GTF3C3: variants seen among roughly 807,000 people sequenced by gnomAD.
The protein encoded by GTF3C3 is general transcription factor IIIC subunit 3.
In GTF3C3, 75 loss-of-function variants were observed where a neutral mutation model predicts 105.2. The observed-to-expected ratio is 0.71, with a 90% confidence interval of 0.59 to 0.86. The LOEUF (loss-of-function observed/expected upper bound fraction) is 0.86. GTF3C3 is among the 40% of genes least tolerant of loss of function. The pLI, the probability that GTF3C3 is intolerant of heterozygous loss-of-function variation, is 0.00. For synonymous variants in GTF3C3, 335 were observed against 370.4 expected (o/e 0.90, Z 1.10); for missense variants, 856 against 1,076.5 (o/e 0.80, Z 2.87).
intron 1 of GTF3C3, 47 bp from the exon 2 acceptor site, chr2:196,797,955 A>G: frequency 9.7e-7 from 1 of 1,032,184 alleles, no homozygotes. Flanking sequence ...ATGCAGACTT[A>G]GCTCTCCCCA....
chr2:196,787,090 C>T (rs1165032359), intron 6 of GTF3C3, among the ~76,000 whole-genome samples: 1 of 151,988 alleles, frequency 6.6e-6, no homozygotes, highest in East Asian at 1.9e-4. Flanking sequence ...ATACCCTGTC[C>T]ACCTCCCCAA....
rs1576022271 is a variant in GTF3C3, at chr2:196,776,339, T to C, written c.1593+88A>G. ...GAATACACTAAAATAAAATTTTGGATATAAGCTATAGAGACATCCTTAATG... is the reference window on the plus strand; with the variant it reads ...GAATACACTAAAATAAAATTTTGGACATAAGCTATAGAGACATCCTTAATG... On this transcript the variant is annotated intron_variant, in intron 11 of 17. Transcript: ENST00000263956. The surrounding 1 kb of genome is among the most constrained non-coding windows in gnomAD (Gnocchi z 4.5). 2.8e-6 allele frequency: 3 copies of C among 1,078,996 alleles called. No homozygotes were observed. Among genetic ancestry groups the C allele is most frequent in the East Asian group, 2.4e-5 (1 of 41,710 alleles). The allele number at this position is 1,078,996 out of a possible 1,614,324, so 66.8% of individuals were successfully genotyped here.
intron 2 of GTF3C3, among the ~76,000 whole-genome samples, chr2:196,797,466 C>T (rs1559307912): frequency 6.6e-6 from 1 of 152,260 alleles, no homozygotes; most frequent in East Asian, 1.9e-4. Context: ...AAGTGTAATT[C>T]ATTACAATTT....
chr2:196,798,067 C>T (rs1699676938), intron 1 of GTF3C3, among the ~76,000 whole-genome samples, 159 bp from the exon 2 acceptor site: 1 of 152,130 alleles, frequency 6.6e-6, no homozygotes, highest in South Asian at 2.1e-4. Context: ...TTTTCTATTC[C>T]TACAAAACTT....
rs1699449897 is a variant in GTF3C3, at chr2:196,786,135, T to C, written c.894-547A>G. On this transcript the variant is annotated intron_variant, in intron 6 of 17. Transcript: ENST00000263956. This position sits in a 1 kb window ranked among gnomAD's most constrained non-coding sequence, Gnocchi z 4.2. ...CTGATGACCAATAGCCTCAAGCAGGTCCATGGTACTGATGAGCAGTATTAC... is the reference window on the plus strand; with the variant it reads ...CTGATGACCAATAGCCTCAAGCAGGCCCATGGTACTGATGAGCAGTATTAC... 6.6e-6 allele frequency among the ~76,000 whole-genome samples: 1 copy of C among 152,064 alleles called. No homozygotes were observed. Among genetic ancestry groups the C allele is most frequent in the Non-Finnish European group, 1.5e-5 (1 of 68,012 alleles).
At chr2:196,777,910 A>ACG (rs1424054497) in intron 10 of GTF3C3, 4 of 152,224 alleles carry the variant, frequency 2.6e-5, no homozygotes, top group African/African-American at 9.6e-5. Flanking sequence ...GGCAATACAA[A>ACG]CTAAGATATC....
intron 17 of GTF3C3, among the ~76,000 whole-genome samples, chr2:196,765,826 T>A (rs56835701): frequency 1.2e-4 from 18 of 151,466 alleles, no homozygotes; most frequent in Non-Finnish European, 2.2e-4. Flanking sequence ...CTGGTTAACA[T>A]GGTGAAACCC....
chr2:196,771,757 G>C lies in GTF3C3; in HGVS notation c.2251C>G (p.His751Asp). The stretch of plus-strand genomic sequence containing the variant: ...GTGCCAGGACACTTACCAAGCGCAT[G>C]CTTAAAACTACCAGATACAAATGCA... ...HNAFVSGSFK[H>D]ALGQYVQAFR... The change falls in exon 15 of 18, where the codon CAT becomes GAT. Residue 751 changes from histidine (H) to aspartate (D), a missense_variant. Around this residue, in one of 3 missense-constraint regions of GTF3C3, gnomAD observed 605 missense variants for 833.6 expected, o/e 0.73. Coordinates refer to ENST00000263956, the MANE Select transcript of GTF3C3 (RefSeq NM_012086.5). The C allele has an allele frequency of 6.2e-7, 1 of 1,610,058 alleles. No individual in the cohort carries two copies. Among genetic ancestry groups the C allele is most frequent in the South Asian group, 1.1e-5 (1 of 91,012 alleles).
chr2:196,776,632 A>G lies in GTF3C3; in HGVS notation c.1391-3T>C. The stretch of plus-strand genomic sequence containing the variant: ...ATAGCCTAAGGCCTTTAAACATTCT[A>G]AGATGATGTTAAAATAAAGCAAAAG... On this transcript the variant is annotated splice_polypyrimidine_tract_variant and splice_region_variant and intron_variant, in intron 10 of 17. Transcript: ENST00000263956. The surrounding 1 kb of genome is among the most constrained non-coding windows in gnomAD (Gnocchi z 4.5). 2.5e-6 allele frequency: 4 copies of G among 1,599,832 alleles called. No individual in the cohort carries two copies. Among genetic ancestry groups the G allele is most frequent in the Non-Finnish European group, 3.4e-6 (4 of 1,168,308 alleles).
At chr2:196,796,786 G>A (rs1390485315) in intron 2 of GTF3C3, among the ~76,000 whole-genome samples, 2 of 152,164 alleles carry the variant, frequency 1.3e-5, no homozygotes, top group Non-Finnish European at 2.9e-5. Flanking sequence ...TTCTGTTCCT[G>A]TGTTGGTTTG....
At chr2:196,764,855 C>G (rs540542721) in intron 17 of GTF3C3, among the ~76,000 whole-genome samples, 170 bp from the exon 18 acceptor site, 3 of 152,118 alleles carry the variant, frequency 2.0e-5, no homozygotes, top group Non-Finnish European at 4.4e-5. Flanking sequence ...AATGCTGATT[C>G]AGTTAACAGC....
chr2:196,765,615 A>C (rs1179126685), intron 17 of GTF3C3, among the ~76,000 whole-genome samples: 1 of 147,800 alleles, frequency 6.8e-6, no homozygotes, highest in Non-Finnish European at 1.5e-5. Context: ...TATGTATGAA[A>C]TACATATATA....
At chr2:196,767,868 T>C (rs139879882) in intron 16 of GTF3C3, among the ~76,000 whole-genome samples, 11 of 152,378 alleles carry the variant, frequency 7.2e-5, no homozygotes, top group African/African-American at 2.6e-4. Context: ...AATAACTTGC[T>C]GCCCTTTAAG....
Position 196,766,575 on chromosome 2 carries a change from A to G in GTF3C3, c.2528T>C (p.Leu843Pro). The change falls in exon 17 of 18, where the codon CTT becomes CCT. Residue 843 changes from leucine (L) to proline (P), a missense_variant. Coordinates refer to ENST00000263956, the MANE Select transcript of GTF3C3 (RefSeq NM_012086.5). The stretch of plus-strand genomic sequence containing the variant: ...AAAAATGCACAATACCTCTACCACA[A>G]GTGGAGGGAGCTCCAGGGCCTTCTG... Reference protein sequence around the residue: ...YYQKALELPPLVVEGIELDQL... With the variant: ...YYQKALELPPPVVEGIELDQL... The G allele has an allele frequency of 1.2e-6, 2 of 1,609,946 alleles. No homozygotes were observed. The highest frequency in any genetic ancestry group is 8.5e-7 in the Non-Finnish European group (1 of 1,177,516).
chr2:196,782,385 T>C (rs1699382151), intron 8 of GTF3C3, among the ~76,000 whole-genome samples: 1 of 152,216 alleles, frequency 6.6e-6, no homozygotes, highest in South Asian at 2.1e-4. Context: ...CACTGTTCAA[T>C]AAAATATATC....
chr2:196,797,484 T>A (rs915084902), intron 2 of GTF3C3, among the ~76,000 whole-genome samples: 16 of 152,208 alleles, frequency 1.1e-4, no homozygotes, highest in African/African-American at 3.6e-4. Flanking sequence ...TTTGAGGAAG[T>A]ATAGTCTGGA....
chr2:196,778,671 A>G, intron 10 of GTF3C3: 1 of 549,830 alleles, frequency 1.8e-6, no homozygotes, highest in Non-Finnish European at 3.2e-6. Context: ...GGGAAATGTG[A>G]GTCCTTCAAC....
intron 17 of GTF3C3, among the ~76,000 whole-genome samples, chr2:196,765,255 C>A (rs1308678984): frequency 6.6e-6 from 1 of 152,004 alleles, no homozygotes; most frequent in Non-Finnish European, 1.5e-5. Flanking sequence ...GCAATGAATT[C>A]AATGGACTAG....
At chr2:196,798,053 C>T in intron 1 of GTF3C3, 145 bp from the exon 2 acceptor site, 1 of 607,436 alleles carries the variant, frequency 1.6e-6, no homozygotes, top group Non-Finnish European at 3.0e-6. Context: ...GGGCATTTGC[C>T]TAATTTTCTA....
Sources: gnomAD v4.1 joint callset for allele counts (sites outside exome capture counted in the v4.1 genomes callset) on GRCh38, gnomAD v4.1.1 for gene constraint, gnomAD v4.1.1 regional missense constraint, Gnocchi (gnomAD v3.1) non-coding constraint, MANE v1.5 for transcripts, NCBI Gene and HGNC (gene_info 2026-07-23, HGNC 2026-07-21) for gene names.